EFNA5: variants seen among roughly 807,000 people sequenced by gnomAD.
The protein encoded by EFNA5 is ephrin-A5.
EFNA5 carries 5 observed loss-of-function variants against 22.9 expected under a neutral mutation model. That is an observed-to-expected ratio of 0.22 (90% CI 0.11 to 0.46). The LOEUF is 0.46. Among genes scored for constraint, EFNA5 ranks in the 20% least tolerant of loss-of-function variants. The pLI, the probability that EFNA5 is intolerant of heterozygous loss-of-function variation, is 0.99. For synonymous variants in EFNA5, 113 were observed against 112.2 expected (o/e 1.01, Z -0.04); for missense variants, 237 against 293.3 (o/e 0.81, Z 1.40).
intron 1 of EFNA5, among the ~76,000 whole-genome samples, chr5:107,564,810 T>C (rs1033697388): frequency 3.3e-5 from 5 of 152,156 alleles, no homozygotes; most frequent in Admixed American, 3.3e-4. Context: ...TTAAATTATA[T>C]CACTGTCTGA....
At chr5:107,528,857 CA>C (rs1747752447) in intron 1 of EFNA5, among the ~76,000 whole-genome samples, 1 of 152,148 alleles carries the variant, frequency 6.6e-6, no homozygotes, top group South Asian at 2.1e-4. Context: ...CTAGGCCTTT[CA>C]AACTTTGTAT....
intron 1 of EFNA5, among the ~76,000 whole-genome samples, chr5:107,467,915 A>G (rs548610079): frequency 6.6e-6 from 1 of 152,274 alleles, no homozygotes; most frequent in East Asian, 1.9e-4. Context: ...GGACATCAAA[A>G]TCAGGCTTAG....
intron 1 of EFNA5, among the ~76,000 whole-genome samples, chr5:107,591,917 T>TGTA (rs1561442914): frequency 1.7e-3 from 11 of 6,620 alleles, no homozygotes; most frequent in Admixed American, 2.6e-3. Flanking sequence ...ATATAAAAAA[T>TGTA]ATATATATAA....
At chr5:107,385,908 C>A in intron 4 of EFNA5, among the ~76,000 whole-genome samples, 1 of 152,098 alleles carries the variant, frequency 6.6e-6, no homozygotes, top group East Asian at 1.9e-4. Context: ...ATTGTACACA[C>A]CTCTCATTTG....
chr5:107,387,340 C>A, intron 3 of EFNA5, 25 bp from the exon 4 acceptor site: 3 of 1,495,522 alleles, frequency 2.0e-6, no homozygotes, highest in Non-Finnish European at 2.8e-6. Context: ...GAGATAACAG[C>A]CAAATATGTT....
intron 2 of EFNA5, among the ~76,000 whole-genome samples, chr5:107,397,276 C>T (rs1015992040): frequency 1.3e-5 from 2 of 152,028 alleles, no homozygotes; most frequent in Non-Finnish European, 2.9e-5. Context: ...ACAGGCTGGG[C>T]GTGGTGGCTC....
chr5:107,613,031 C>T (rs1366181420), intron 1 of EFNA5, among the ~76,000 whole-genome samples: 2 of 151,778 alleles, frequency 1.3e-5, no homozygotes, highest in Admixed American at 6.6e-5. Flanking sequence ...TACAGTAACA[C>T]AGAAAACTAA....
chr5:107,643,379 C>A (rs556119863), intron 1 of EFNA5, among the ~76,000 whole-genome samples: 2 of 152,256 alleles, frequency 1.3e-5, no homozygotes, highest in Admixed American at 1.3e-4. Context: ...TCATAGGAAG[C>A]ACCCTCTATT....
intron 2 of EFNA5, among the ~76,000 whole-genome samples, chr5:107,397,446 G>A (rs1207741771): frequency 1.3e-5 from 2 of 152,064 alleles, no homozygotes; most frequent in Non-Finnish European, 2.9e-5. Context: ...CTACTCAGGA[G>A]GCTGAGGCAG....
At chr5:107,562,743 A>T (rs2112478776) in intron 1 of EFNA5, among the ~76,000 whole-genome samples, 1 of 152,330 alleles carries the variant, frequency 6.6e-6, no homozygotes, top group South Asian at 2.1e-4. Flanking sequence ...AAATTTTTAA[A>T]TCTAGTGCAA....
chr5:107,651,438 C>T (rs1408355108), intron 1 of EFNA5, among the ~76,000 whole-genome samples: 2 of 152,046 alleles, frequency 1.3e-5, no homozygotes, highest in African/African-American at 2.4e-5. Flanking sequence ...TGTTTCTATT[C>T]GCCCCTAAGT....
Position 107,587,459 on chromosome 5 carries a change from G to C in EFNA5, c.125+83030C>G, listed in dbSNP as rs17160221. On this transcript the variant is annotated intron_variant, in intron 1 of 4. Transcript: ENST00000333274. ...TACACTTGAAACTGTATATGTAACAGTTATCATGCTCTAAGACAATGACAT... is the reference window on the plus strand; with the variant it reads ...TACACTTGAAACTGTATATGTAACACTTATCATGCTCTAAGACAATGACAT... Among the ~76,000 whole-genome samples, 398 of 152,340 alleles carry C rather than the reference G, an allele frequency of 2.6e-3. 3 individuals carry two copies. Among genetic ancestry groups the C allele is most frequent in the African/African-American group, 9.1e-3 (378 of 41,584 alleles).
intron 1 of EFNA5, among the ~76,000 whole-genome samples, chr5:107,429,454 A>G (rs529315690): frequency 1.3e-5 from 2 of 152,330 alleles, no homozygotes; most frequent in African/African-American, 4.8e-5. Flanking sequence ...TCACAAAAGA[A>G]AAAAGAAAGA....
chr5:107,473,179 A>G (rs1053092515), intron 1 of EFNA5, among the ~76,000 whole-genome samples: 2 of 151,490 alleles, frequency 1.3e-5, no homozygotes, highest in Non-Finnish European at 2.9e-5. Context: ...ATTGGTTGAA[A>G]CTTTGCCTCT....
intron 1 of EFNA5, among the ~76,000 whole-genome samples, chr5:107,541,948 G>A (rs968540024): frequency 6.6e-6 from 1 of 152,096 alleles, no homozygotes; most frequent in African/African-American, 2.4e-5. Context: ...TTATATCTGT[G>A]TTGTTGAAGA....
chr5:107,408,446 G>T (rs56862861), intron 2 of EFNA5, among the ~76,000 whole-genome samples: 2,721 of 152,164 alleles, frequency 0.018, 90 homozygotes, highest in African/African-American at 0.062. Context: ...CTATTGAAAA[G>T]AACTCCATTT....
Position 107,507,562 on chromosome 5 carries a change from C to T in EFNA5, c.126-80053G>A, listed in dbSNP as rs187260698. On this transcript the variant is annotated intron_variant, in intron 1 of 4. Coordinates refer to ENST00000333274, the MANE Select transcript of EFNA5 (RefSeq NM_001962.3). The stretch of plus-strand genomic sequence containing the variant: ...ATATAAATAACGGAAAATGGCAAGG[C>T]GTGGTGGCTCACACCTGTAATCCCA... Among the ~76,000 whole-genome samples, 293 of 152,096 alleles carry T rather than the reference C, an allele frequency of 1.9e-3. 3 individuals carry two copies. The highest frequency in any genetic ancestry group is 6.0e-3 in the African/African-American group (247 of 41,472).
chr5:107,590,777 CAA>C (rs1242019997), intron 1 of EFNA5, among the ~76,000 whole-genome samples: 1 of 152,142 alleles, frequency 6.6e-6, no homozygotes, highest in Non-Finnish European at 1.5e-5. Flanking sequence ...TAAAGCTGGA[CAA>C]AACTCACTGC....
At chr5:107,496,353 A>C (rs1320205042) in intron 1 of EFNA5, among the ~76,000 whole-genome samples, 4 of 142,288 alleles carry the variant, frequency 2.8e-5, no homozygotes, top group African/African-American at 1.1e-4. Context: ...AAAAAAAAAA[A>C]CAAAAAAACA....
Sources: gnomAD v4.1 joint callset for allele counts (sites outside exome capture counted in the v4.1 genomes callset) on GRCh38, gnomAD v4.1.1 for gene constraint, MANE v1.5 for transcripts, NCBI Gene and HGNC (gene_info 2026-07-23, HGNC 2026-07-21) for gene names.